Variants in SPRY3 observed in about 807,000 individuals in gnomAD.
SPRY3 encodes the protein sprouty RTK signaling antagonist 3.
SPRY3 carries 15 observed loss-of-function variants against 20.2 expected under a neutral mutation model. The observed-to-expected ratio is 0.74, with a 90% CI of 0.50 to 1.14. The LOEUF (loss-of-function observed/expected upper bound fraction) is 1.14, where lower values mean the gene tolerates loss of function less well. Ranked by LOEUF, SPRY3 falls within the 50% of genes most tolerant of loss-of-function variation. The pLI, the probability that SPRY3 is intolerant of heterozygous loss-of-function variation, is 0.00. For missense variants in SPRY3, 364 were observed against 363.9 expected (o/e 1.00, Z 0.00); for synonymous variants, 143 against 136.5 (o/e 1.05, Z -0.33).
intron 2 of SPRY3, among the ~76,000 whole-genome samples, chrX:155,729,846 TA>T (rs1400997812): frequency 6.6e-6 from 1 of 151,428 alleles, no homozygotes; most frequent in East Asian, 1.9e-4. Context: ...ACGATGCAAA[TA>T]AGTAAAATAA....
intron 1 of SPRY3, among the ~76,000 whole-genome samples, chrX:155,621,350 A>T (rs1339352933): frequency 9.0e-6 from 1 of 111,097 alleles, no homozygotes; most frequent in Non-Finnish European, 1.9e-5. Context: ...AACCATATTA[A>T]TTTTTTCTCA....
chrX:155,726,044 A>G (rs1034162714), intron 2 of SPRY3, among the ~76,000 whole-genome samples: 27 of 152,190 alleles, frequency 1.8e-4, no homozygotes, highest in African/African-American at 6.5e-4. Context: ...ATTTCAAAGA[A>G]CATCTTTATT....
rs1160639451 is a variant in SPRY3 at position 155,766,759 on chromosome X, G to A, written c.-281-1203G>A. 2.6e-5 allele frequency among the ~76,000 whole-genome samples: 4 copies of A among 152,162 alleles called. No homozygotes were observed. The East Asian group carries it at 5.8e-4, about 22-fold the overall frequency. On this transcript the variant is annotated intron_variant, in intron 2 of 3. Coordinates refer to ENST00000675360, the Ensembl canonical transcript of SPRY3. ...AGGCTGCTTTATTTTCAGTCCCAGG[G>A]AGGCTGCATGAAGGCAGGAATCCAC...
rs782135811 is a variant in SPRY3, at chrX:155,632,899, C to T, written c.-441+20252C>T. Among the ~76,000 whole-genome samples, 6 of 111,401 alleles carry T rather than the reference C, an allele frequency of 5.4e-5. 1 individual carries two copies. The South Asian group carries it at 2.3e-3, about 42-fold the overall frequency. On this transcript the variant is annotated intron_variant, in intron 1 of 3. Coordinates refer to ENST00000675360, the Ensembl canonical transcript of SPRY3. The stretch of plus-strand genomic sequence containing the variant: ...TCTGTGATGGTTGTCTTACGTAGGC[C>T]AGGTATGACAGTGGAAAGTTACAAC...
chrX:155,748,329 T>C (rs931957007), intron 2 of SPRY3, among the ~76,000 whole-genome samples: 6 of 151,882 alleles, frequency 4.0e-5, no homozygotes, highest in Non-Finnish European at 5.9e-5. Flanking sequence ...CATATGAATA[T>C]GGGGAAAAGT....
At chrX:155,776,191 G>A (rs1388871179) in exon 4 of SPRY3, 2 of 167,106 alleles carry the variant, frequency 1.2e-5, no homozygotes, top group Non-Finnish European at 2.9e-5. Context: ...ATGGTGGGTA[G>A]CTAATTAACT....
rs2067875906 is a variant in SPRY3 at position 155,622,847 on chromosome X, A to G, written c.-441+10200A>G. Among the ~76,000 whole-genome samples the G allele has an allele frequency of 2.7e-5, 3 of 112,403 alleles. No homozygotes were observed. In the Admixed American group the frequency reaches 2.8e-4, roughly 11 times the overall value. ...AGTGGGACCATAAAGAAACATTTAT[A>G]ACAGATATCCAGCATTCATTAAGGG... On this transcript the variant is annotated intron_variant, in intron 1 of 3. Coordinates refer to ENST00000675360, the Ensembl canonical transcript of SPRY3.
chrX:155,774,603 C>T, exon 4 of SPRY3: 3 of 1,613,994 alleles, frequency 1.9e-6, no homozygotes, highest in Non-Finnish European at 2.5e-6. Flanking sequence ...CCCGTGGATG[C>T]CTCCATCTGT....
At chrX:155,677,723 A>G (rs1170035187) in intron 2 of SPRY3, among the ~76,000 whole-genome samples, 2 of 111,872 alleles carry the variant, frequency 1.8e-5, no homozygotes, top group East Asian at 5.6e-4. Flanking sequence ...ATATTGTGCC[A>G]TCCTTAAAAC....
intron 3 of SPRY3, among the ~76,000 whole-genome samples, chrX:155,771,164 C>CA (rs1400105807): frequency 1.3e-5 from 2 of 152,154 alleles, no homozygotes; most frequent in African/African-American, 4.8e-5. Context: ...CTCAATTTAT[C>CA]AGTCTTGCAG....
At chrX:155,634,778 G>A (rs2067917919) in intron 1 of SPRY3, among the ~76,000 whole-genome samples, 2 of 109,226 alleles carry the variant, frequency 1.8e-5, no homozygotes, top group African/African-American at 6.7e-5. Flanking sequence ...TCAAATACCT[G>A]TGAGTTGGGT....
In SPRY3 at chrX:155,730,936, C is replaced by A. The variant is rs531085974; in HGVS notation, c.-281-37026C>A. Among the ~76,000 whole-genome samples the A allele has an allele frequency of 1.2e-3, 184 of 151,378 alleles. No individual in the cohort carries two copies. In the South Asian group the frequency reaches 0.036, roughly 30 times the overall value. On this transcript the variant is annotated intron_variant, in intron 2 of 3. Transcript: ENST00000675360. ...CAATAGCTACAAGTAAAATCAAATA[C>A]GTGAGATTTAGCCAAGGAAGTGAAA...
intron 2 of SPRY3, among the ~76,000 whole-genome samples, chrX:155,756,386 C>T (rs2091283558): frequency 6.6e-6 from 1 of 152,106 alleles, no homozygotes; most frequent in South Asian, 2.1e-4. Flanking sequence ...AATCTAAACA[C>T]CATGTGGCCA....
chrX:155,768,244 C>CGCG (rs756604319), intron 3 of SPRY3, 108 bp downstream of exon 2: 4 of 124,996 alleles, frequency 3.2e-5, no homozygotes, highest in Admixed American at 7.8e-5. Context: ...CGTGTGTGTG[C>CGCG]CGCGCGCTTG....
chrX:155,773,421 A>G (rs2091396617), intron 3 of SPRY3, among the ~76,000 whole-genome samples: 1 of 150,632 alleles, frequency 6.6e-6, no homozygotes, highest in Admixed American at 6.6e-5. Context: ...TGCAGTTAAT[A>G]TTAGGTTCCA....
At chrX:155,755,135 A>G (rs1257799242) in intron 2 of SPRY3, among the ~76,000 whole-genome samples, 1 of 140,802 alleles carries the variant, frequency 7.1e-6, no homozygotes, top group Non-Finnish European at 1.5e-5. Context: ...AAAAAGTCTA[A>G]CTGGAGAGTA....
At chrX:155,713,965 C>T (rs2091004063) in intron 2 of SPRY3, among the ~76,000 whole-genome samples, 1 of 152,154 alleles carries the variant, frequency 6.6e-6, no homozygotes, top group Non-Finnish European at 1.5e-5. Context: ...TCTGCTTCAT[C>T]AATTCTGCTA....
chrX:155,657,954 A>G (rs1231098182), intron 2 of SPRY3, among the ~76,000 whole-genome samples: 5 of 111,578 alleles, frequency 4.5e-5, no homozygotes, highest in Non-Finnish European at 9.4e-5. Context: ...ACCAGTTCCA[A>G]TGAGATGAAT....
At chrX:155,680,089 G>A (rs1446028389) in intron 2 of SPRY3, among the ~76,000 whole-genome samples, 1 of 105,995 alleles carries the variant, frequency 9.4e-6, no homozygotes. Flanking sequence ...TTAAACATGG[G>A]ACTTTATATT....
Sources: gnomAD v4.1 joint callset for allele counts (sites outside exome capture counted in the v4.1 genomes callset) on GRCh38, gnomAD v4.1.1 for gene constraint, MANE v1.5 for transcripts, NCBI Gene and HGNC (gene_info 2026-07-23, HGNC 2026-07-21) for gene names.